The following DMC1 variants were observed in gnomAD, a reference collection of about 807,000 sequenced individuals.
The protein encoded by DMC1 is DNA meiotic recombinase 1, also known as meiotic recombination protein DMC1 homolog.
Under a neutral mutation model 50.1 loss-of-function variants are expected in DMC1, and 27 were observed. That is an observed-to-expected ratio of 0.54 (90% confidence interval 0.40 to 0.74). The LOEUF is 0.74. DMC1 is among the 30% of genes least tolerant of loss of function. The pLI is 0.00. For missense variants in DMC1, 295 were observed against 420.2 expected, an observed-to-expected ratio of 0.70 and a Z score of 2.60; for synonymous variants, 148 against 136.1, an observed-to-expected ratio of 1.09 and a Z score of -0.61.
intron 8 of DMC1, among the ~76,000 whole-genome samples, chr22:38,547,720 G>A (rs1199854045): frequency 6.6e-6 from 1 of 152,004 alleles, no homozygotes; most frequent in African/African-American, 2.4e-5. Context: ...TGTATTTTTA[G>A]TAGAGACAGG....
At chr22:38,522,840 C>T (rs773987638) in intron 12 of DMC1, among the ~76,000 whole-genome samples, 3 of 152,034 alleles carry the variant, frequency 2.0e-5, no homozygotes, top group Non-Finnish European at 2.9e-5. Context: ...GTAGGTTGGT[C>T]GGGATAAGAA....
Position 38,520,104 on chromosome 22 carries a change from G to A in DMC1, c.954-15C>T. On this transcript the variant is annotated splice_polypyrimidine_tract_variant and intron_variant, in intron 13 of 13. Transcript: ENST00000216024. The stretch of plus-strand genomic sequence containing the variant: ...GCATCTCAGGACTAACAGAATACAA[G>A]GGAACAGAAGTTTATAAAAAGCTCT... The A allele has an allele frequency of 6.2e-7, 1 of 1,604,322 alleles. No individual in the cohort carries two copies. The highest frequency in any genetic ancestry group is 1.3e-5 in the African/African-American group (1 of 74,786).
chr22:38,512,413 G>A, the DMC1 span, among the ~76,000 whole-genome samples: 1 of 152,194 alleles, frequency 6.6e-6, no homozygotes, highest in South Asian at 2.1e-4. Flanking sequence ...CGGGCCTGAT[G>A]ACAAAGTGGA....
chr22:38,551,856 CTTTTTTTT>C (rs71761663), intron 7 of DMC1, among the ~76,000 whole-genome samples: 3 of 93,184 alleles, frequency 3.2e-5, no homozygotes, highest in African/African-American at 1.3e-4. Flanking sequence ...GAACTCCTTT[CTTTTTTTT>C]TTTTTTTTTT....
intron 5 of DMC1, among the ~76,000 whole-genome samples, chr22:38,558,338 TAA>T (rs1348150920): frequency 6.6e-6 from 1 of 152,096 alleles, no homozygotes; most frequent in Non-Finnish European, 1.5e-5. Context: ...AAAGCACCCT[TAA>T]AATGTGCTAG....
At chr22:38,541,361 G>A (rs996560441) in intron 8 of DMC1, among the ~76,000 whole-genome samples, 14 of 151,970 alleles carry the variant, frequency 9.2e-5, no homozygotes, top group African/African-American at 3.1e-4. Flanking sequence ...GCACAATCTC[G>A]GCTCACTGCA....
At chr22:38,552,588 T>A (rs1432705259) in intron 7 of DMC1, 78 bp downstream of exon 7, 20 of 1,038,818 alleles carry the variant, frequency 1.9e-5, no homozygotes, top group Non-Finnish European at 2.9e-5. Context: ...TGAGATTATT[T>A]AGAGTATCAG....
At chr22:38,525,978 G>T (rs1303876375) in intron 12 of DMC1, among the ~76,000 whole-genome samples, 2 of 147,522 alleles carry the variant, frequency 1.4e-5, no homozygotes, top group Non-Finnish European at 3.0e-5. Flanking sequence ...TAAAATAAAA[G>T]AAAAAAAAAG....
chr22:38,566,877 A>T (rs530260339), intron 3 of DMC1, 141 bp from the exon 4 acceptor site: 2 of 775,778 alleles, frequency 2.6e-6, no homozygotes. Flanking sequence ...CCCACCCACC[A>T]TGTAGCCAAA....
downstream of DMC1, among the ~76,000 whole-genome samples, chr22:38,517,882 C>T (rs1419384678): frequency 6.6e-6 from 1 of 152,206 alleles, no homozygotes; most frequent in African/African-American, 2.4e-5. Flanking sequence ...TTTCTACTTG[C>T]CGAGTTAGTC....
At chr22:38,559,130 A>C (rs2090498754) in intron 5 of DMC1, among the ~76,000 whole-genome samples, 1 of 152,132 alleles carries the variant, frequency 6.6e-6, no homozygotes, top group African/African-American at 2.4e-5. Context: ...CCCAGGTTCA[A>C]GCGATTCTCC....
At chr22:38,536,438 C>T (rs1387481356) in intron 12 of DMC1, among the ~76,000 whole-genome samples, 4 of 152,118 alleles carry the variant, frequency 2.6e-5, no homozygotes, top group Non-Finnish European at 5.9e-5. Context: ...TACTTTAGCT[C>T]TCTGTGTGTT....
intron 4 of DMC1, among the ~76,000 whole-genome samples, chr22:38,562,798 C>CACATAT (rs753262909): frequency 6.6e-6 from 1 of 151,744 alleles, no homozygotes; most frequent in African/African-American, 2.4e-5. Context: ...TACATATATA[C>CACATAT]ACATATACAT....
At chr22:38,566,051 C>G (rs1056648837) in intron 4 of DMC1, among the ~76,000 whole-genome samples, 2 of 152,098 alleles carry the variant, frequency 1.3e-5, no homozygotes, top group African/African-American at 4.8e-5. Flanking sequence ...CCAGGGCAGG[C>G]AGATCACGAG....
intron 8 of DMC1, among the ~76,000 whole-genome samples, chr22:38,541,802 T>C (rs2145882552): frequency 6.6e-6 from 1 of 152,036 alleles, no homozygotes; most frequent in East Asian, 1.9e-4. Flanking sequence ...GGTGTAAAAC[T>C]TGGGCTTAAA....
chr22:38,546,881 G>A (rs1368958221), intron 8 of DMC1, among the ~76,000 whole-genome samples: 1 of 152,062 alleles, frequency 6.6e-6, no homozygotes, highest in Non-Finnish European at 1.5e-5. Flanking sequence ...GCAAAATAAA[G>A]GCACTTTCAG....
At chr22:38,520,876 G>A (rs1413487957) in intron 13 of DMC1, among the ~76,000 whole-genome samples, 3 of 150,356 alleles carry the variant, frequency 2.0e-5, no homozygotes, top group Admixed American at 2.0e-4. Context: ...TTTGTTTTTT[G>A]TTTTTGTTTT....
Position 38,568,226 on chromosome 22 carries a change from G to T in DMC1, c.31C>A (p.Pro11Thr). The change falls in exon 2 of 14, where the codon CCA becomes ACA. Residue 11 changes from proline (P) to threonine (T), a missense_variant. By Grantham distance (38) the Pro-to-Thr change is conservative (BLOSUM62 -1). Transcript: ENST00000216024. MKEDQVVAEE[P>T]GFQDEEESLF... ...CATACCTCTTCATCTTGGAATCCTGGTTCTTCCGCCACAACTTGATCCTCC... is the reference window on the plus strand; with the variant it reads ...CATACCTCTTCATCTTGGAATCCTGTTTCTTCCGCCACAACTTGATCCTCC... 2 of 1,614,058 alleles carry T rather than the reference G, an allele frequency of 1.2e-6. No individual in the cohort carries two copies.
At chr22:38,544,952 T>C (rs188384631) in intron 8 of DMC1, among the ~76,000 whole-genome samples, 160 of 151,958 alleles carry the variant, frequency 1.1e-3, no homozygotes, top group African/African-American at 3.8e-3. Context: ...CTCTCTAAAC[T>C]AACTCAGACC....
Sources: allele counts gnomAD v4.1 joint callset (sites outside exome capture counted in the v4.1 genomes callset), GRCh38; gene constraint gnomAD v4.1.1; transcripts MANE v1.5; gene names NCBI Gene and HGNC (gene_info 2026-07-23, HGNC 2026-07-21).